The following LURAP1L variants were observed in gnomAD, a reference collection of about 807,000 sequenced individuals.
LURAP1L encodes leucine rich adaptor protein 1-like.
LURAP1L carries 12 observed loss-of-function variants against 13.8 expected under a neutral mutation model. The observed-to-expected ratio is 0.87, with a 90% CI of 0.56 to 1.41. LURAP1L has a LOEUF of 1.41. Ranked by LOEUF, LURAP1L falls within the 40% of genes most tolerant of loss-of-function variation. The probability of loss-of-function intolerance (pLI) is 0.00; values close to 1 mark genes in which losing one functional copy is unlikely to be tolerated. For synonymous variants in LURAP1L, 139 were observed against 119.2 expected (o/e 1.17, Z -1.08); for missense variants, 375 against 292.9 (o/e 1.28, Z -2.04).
intron 1 of LURAP1L, among the ~76,000 whole-genome samples, chr9:12,796,495 A>C (rs1819513173): frequency 6.6e-6 from 1 of 151,988 alleles, no homozygotes; most frequent in Admixed American, 6.6e-5. Context: ...TTTCCTGGAA[A>C]ATATTCTATT....
At chr9:12,786,332 A>G (rs1819350075) in intron 1 of LURAP1L, among the ~76,000 whole-genome samples, 1 of 151,596 alleles carries the variant, frequency 6.6e-6, no homozygotes, top group African/African-American at 2.4e-5. Flanking sequence ...GATTATTCAA[A>G]CACTTAATAG....
intron 1 of LURAP1L, among the ~76,000 whole-genome samples, chr9:12,799,296 A>G (rs1819552254): frequency 6.6e-6 from 1 of 152,100 alleles, no homozygotes; most frequent in Non-Finnish European, 1.5e-5. Context: ...TTTAGGGTAT[A>G]TTTTCACTGT....
rs139119328 is a variant in LURAP1L at position 12,821,722 on chromosome 9, C to A, written c.649C>A (p.Arg217Ser). The A allele has an allele frequency of 6.2e-7, 1 of 1,614,060 alleles. No homozygotes were observed. The highest frequency in any genetic ancestry group is 8.5e-7 in the Non-Finnish European group (1 of 1,179,950). The change falls in exon 2 of 2, where the codon CGT becomes AGT. Residue 217 changes from arginine to serine, a missense_variant. Transcript: ENST00000319264. ...LIEDSQALHK[R>S]PKLDSEYYCF... ...AGAGGACTCACAGGCACTACACAAG[C>A]GTCCTAAATTGGATTCTGAATACTA...
intron 1 of LURAP1L, among the ~76,000 whole-genome samples, chr9:12,818,302 T>C (rs917880395): frequency 6.6e-6 from 1 of 152,144 alleles, no homozygotes; most frequent in Non-Finnish European, 1.5e-5. Flanking sequence ...TGACAAAAAA[T>C]GTATTCTAAG....
At chr9:12,787,825 A>C (rs1819378646) in intron 1 of LURAP1L, among the ~76,000 whole-genome samples, 1 of 152,074 alleles carries the variant, frequency 6.6e-6, no homozygotes, top group South Asian at 2.1e-4. Flanking sequence ...AAAACATAGA[A>C]AGCTCAGCCA....
In LURAP1L at chr9:12,817,691, G is replaced by A. The variant is rs1819822468; in HGVS notation, c.313-3695G>A. Among the ~76,000 whole-genome samples the A allele has an allele frequency of 2.6e-5, 4 of 152,272 alleles. No homozygotes were observed. The South Asian group carries it at 8.3e-4, about 32-fold the overall frequency. ...AGAAGGAACCACACAGTTTCATGCTGCAAGGGCAAGGCTACTCTATTTTTA... is the reference window on the plus strand; with the variant it reads ...AGAAGGAACCACACAGTTTCATGCTACAAGGGCAAGGCTACTCTATTTTTA... On this transcript the variant is annotated intron_variant, in intron 1 of 1. Transcript: ENST00000319264.
intron 1 of LURAP1L, among the ~76,000 whole-genome samples, chr9:12,784,101 C>T (rs1385036726): frequency 6.6e-6 from 1 of 152,066 alleles, no homozygotes; most frequent in African/African-American, 2.4e-5. Flanking sequence ...TTCTTTCTCT[C>T]TGTTATCTTG....
intron 1 of LURAP1L, among the ~76,000 whole-genome samples, chr9:12,816,248 T>C (rs1256238790): frequency 2.0e-5 from 3 of 152,200 alleles, no homozygotes; most frequent in Non-Finnish European, 4.4e-5. Context: ...GCAGATATGT[T>C]AGGTGGATGC....
intron 1 of LURAP1L, among the ~76,000 whole-genome samples, chr9:12,782,685 A>G (rs543542135): frequency 6.6e-6 from 1 of 152,172 alleles, no homozygotes; most frequent in South Asian, 2.1e-4. Context: ...TTTGCTCTGG[A>G]TGACTTTGGC....
chr9:12,812,326 A>C (rs1819748069), intron 1 of LURAP1L, among the ~76,000 whole-genome samples: 1 of 152,152 alleles, frequency 6.6e-6, no homozygotes, highest in Non-Finnish European at 1.5e-5. Flanking sequence ...TGGTGAGCAA[A>C]ATTTAAATTT....
rs1375492314 is a variant in LURAP1L at position 12,821,693 on chromosome 9, T to C, written c.620T>C (p.Leu207Pro). The C allele has an allele frequency of 6.2e-7, 1 of 1,614,184 alleles. No individual in the cohort carries two copies. Among genetic ancestry groups the C allele is most frequent in the East Asian group, 2.2e-5 (1 of 44,880 alleles). The change falls in exon 2 of 2, where the codon CTC becomes CCC. Residue 207 changes from leucine (L) to proline (P), a missense_variant. Coordinates refer to ENST00000319264, the MANE Select transcript of LURAP1L (RefSeq NM_203403.2). ...SDLDQFSDSSLIEDSQALHKR... is the reference protein window; with the variant it reads ...SDLDQFSDSSPIEDSQALHKR... ...TTGGACCAATTCAGTGACAGCTCCCTCATAGAGGACTCACAGGCACTACAC... is the reference window on the plus strand; with the variant it reads ...TTGGACCAATTCAGTGACAGCTCCCCCATAGAGGACTCACAGGCACTACAC...
At chr9:12,806,157 T>A (rs1367853781) in intron 1 of LURAP1L, among the ~76,000 whole-genome samples, 2 of 152,146 alleles carry the variant, frequency 1.3e-5, no homozygotes, top group African/African-American at 4.8e-5. Context: ...AAAACATGAC[T>A]CTTACACAAA....
intron 1 of LURAP1L, among the ~76,000 whole-genome samples, chr9:12,814,713 C>T (rs1819781572): frequency 6.6e-6 from 1 of 152,200 alleles, no homozygotes; most frequent in Non-Finnish European, 1.5e-5. Context: ...CAGCTTTCTA[C>T]TTTATCAAAA....
intron 1 of LURAP1L, among the ~76,000 whole-genome samples, chr9:12,811,253 G>A (rs1047527748): frequency 8.5e-5 from 13 of 152,224 alleles, no homozygotes; most frequent in Middle Eastern, 3.4e-3. Context: ...AGTTAATCTC[G>A]CTGCATTTTA....
intron 1 of LURAP1L, among the ~76,000 whole-genome samples, chr9:12,793,473 T>A (rs1263940098): frequency 6.6e-6 from 1 of 152,076 alleles, no homozygotes. Context: ...TTTGGACTTG[T>A]TTGGTTACTC....
chr9:12,797,685 A>G (rs1363717476), intron 1 of LURAP1L, among the ~76,000 whole-genome samples: 1 of 152,110 alleles, frequency 6.6e-6, no homozygotes, highest in Non-Finnish European at 1.5e-5. Context: ...TTAACTTCAG[A>G]AAGTTCTCTA....
chr9:12,794,988 C>A (rs1345253795), intron 1 of LURAP1L, among the ~76,000 whole-genome samples: 1 of 151,752 alleles, frequency 6.6e-6, no homozygotes, highest in Non-Finnish European at 1.5e-5. Context: ...GTATAGAAAA[C>A]TCTTGTTTAA....
At chr9:12,808,632 T>C (rs1247159013) in intron 1 of LURAP1L, among the ~76,000 whole-genome samples, 1 of 152,174 alleles carries the variant, frequency 6.6e-6, no homozygotes, top group African/African-American at 2.4e-5. Flanking sequence ...AGGTAAGGTG[T>C]TCTTTTTCCT....
At chr9:12,814,454 T>C (rs184133393) in intron 1 of LURAP1L, 1 of 152,200 alleles carries the variant, frequency 6.6e-6, no homozygotes, top group Admixed American at 6.5e-5. Context: ...TGCACATTCA[T>C]GTTGAAAATA....
Sources: gnomAD v4.1 joint callset for allele counts (sites outside exome capture counted in the v4.1 genomes callset) on GRCh38, gnomAD v4.1.1 for gene constraint, MANE v1.5 for transcripts, NCBI Gene and HGNC (gene_info 2026-07-23, HGNC 2026-07-21) for gene names.